The following ATP7B variants were observed in gnomAD, a reference collection of about 807,000 sequenced individuals.
The protein encoded by ATP7B is copper-transporting ATPase 2.
A neutral mutation model predicts 118.9 loss-of-function variants in ATP7B; 113 were observed. The ratio of observed to expected loss-of-function variants is 0.95; its 90% confidence interval spans 0.82 to 1.11. ATP7B has a LOEUF of 1.11. Ranked by LOEUF, ATP7B falls within the 50% of genes most tolerant of loss-of-function variation. The pLI is 0.00. For synonymous variants in ATP7B, 777 were observed against 727.4 expected (o/e 1.07, Z -1.10); for missense variants, 1,867 against 1,871.4 (o/e 1.00, Z 0.04).
At chr13:51,953,817 A>G (rs1474271909) in intron 9 of ATP7B, among the ~76,000 whole-genome samples, 4 of 138,154 alleles carry the variant, frequency 2.9e-5, no homozygotes, top group Non-Finnish European at 6.2e-5. Context: ...TCACTGGTCT[A>G]GATATGATTT....
intron 9 of ATP7B, among the ~76,000 whole-genome samples, chr13:51,953,519 C>T (rs567840804): frequency 2.0e-5 from 3 of 152,172 alleles, no homozygotes; most frequent in African/African-American, 7.2e-5. Context: ...CTAAATTAAC[C>T]ACATCTTTCT....
chr13:51,969,011 C>T (rs977147796), intron 3 of ATP7B, among the ~76,000 whole-genome samples: 2 of 151,596 alleles, frequency 1.3e-5, no homozygotes, highest in African/African-American at 2.4e-5. Flanking sequence ...CAGGTGCGTG[C>T]CACCATGCCC....
chr13:52,011,483 G>C (rs1361211873), upstream of ATP7B: 4 of 955,748 alleles, frequency 4.2e-6, no homozygotes, highest in East Asian at 2.6e-5. Flanking sequence ...AAAGCAAACA[G>C]GGGTCCGGGA....
Position 51,935,592 on chromosome 13 carries a change from C to T in ATP7B, c.4124+1G>A. 1 of 1,612,928 alleles carries T rather than the reference C, an allele frequency of 6.2e-7. No individual in the cohort carries two copies. The highest frequency in any genetic ancestry group is 1.3e-5 in the African/African-American group (1 of 75,064). ...CAGATGCTCCACCTGAGGGGACTCA[C>T]CACTTGAGCTGCAGGGATGAGAGCA... On this transcript the variant is annotated splice_donor_variant, in intron 20 of 20. Coordinates refer to ENST00000242839, the MANE Select transcript of ATP7B (RefSeq NM_000053.4). LOFTEE classifies it high-confidence loss of function.
intron 19 of ATP7B, among the ~76,000 whole-genome samples, chr13:51,936,606 C>T (rs1305753277): frequency 6.6e-6 from 1 of 152,158 alleles, no homozygotes; most frequent in Non-Finnish European, 1.5e-5. Flanking sequence ...GTCACTGCCA[C>T]CTCCAACTCC....
At chr13:51,976,879 C>G (rs912454971) in intron 1 of ATP7B, among the ~76,000 whole-genome samples, 1 of 152,170 alleles carries the variant, frequency 6.6e-6, no homozygotes, top group Non-Finnish European at 1.5e-5. Context: ...CTGGAAGTTG[C>G]TCTGGGTGAG....
intron 19 of ATP7B, among the ~76,000 whole-genome samples, chr13:51,936,122 G>A (rs1247792362): frequency 2.0e-5 from 3 of 152,276 alleles, no homozygotes; most frequent in Admixed American, 6.5e-5. Context: ...AGATGATCTC[G>A]CCTCCAGGGC....
Position 51,939,054 on chromosome 13 carries a change from G to T in ATP7B, c.3696C>A (p.Thr1232=). Residue 1232 remains threonine (T), a synonymous_variant, in exon 17 of 21, where the codon ACC becomes ACA. Coordinates refer to ENST00000242839, the MANE Select transcript of ATP7B (RefSeq NM_000053.4). ...TTGCAACATTAAAGGGCTGTACCTG[G>T]GTGGCAATAGCTCTGGCTGTCTTCC... is the stretch of plus-strand genomic sequence containing the variant. ...DNRKTARAIA[T]QVGINKVFAE... is the part of the protein sequence containing the mutation. 1.9e-6 allele frequency: 3 copies of T among 1,614,214 alleles called. No homozygotes were observed. The highest frequency in any genetic ancestry group is 2.5e-6 in the Non-Finnish European group (3 of 1,180,034).
At chr13:52,004,981 C>T (rs899889918) in intron 1 of ATP7B, among the ~76,000 whole-genome samples, 2 of 152,224 alleles carry the variant, frequency 1.3e-5, no homozygotes, top group Non-Finnish European at 2.9e-5. Flanking sequence ...CCAAGCCACA[C>T]CTGAGCCGCA....
intron 13 of ATP7B, among the ~76,000 whole-genome samples, chr13:51,945,866 C>G (rs1957615476): frequency 6.6e-6 from 1 of 152,134 alleles, no homozygotes; most frequent in African/African-American, 2.4e-5. Context: ...TCACTCTTCA[C>G]TCCCCAGGGT....
At position 51,989,143 on chromosome 13, in the gene ATP7B, C is replaced by G. The variant is rs140390549; in HGVS notation, c.52-13975G>C. Reference sequence around the variant, plus strand: ...CCTCATTTGATCTTCAAACATGACCCAGGAAGGTTCGAGTACTCTACATAG... The same window carrying G: ...CCTCATTTGATCTTCAAACATGACCGAGGAAGGTTCGAGTACTCTACATAG... On this transcript the variant is annotated intron_variant, in intron 1 of 20. Coordinates refer to ENST00000242839, the MANE Select transcript of ATP7B (RefSeq NM_000053.4). Among the ~76,000 whole-genome samples, 9 of 152,170 alleles carry G rather than the reference C, an allele frequency of 5.9e-5. No homozygotes were observed. The East Asian group carries it at 1.7e-3, about 29-fold the overall frequency.
rs1958431105 is a variant in ATP7B at position 51,957,515 on chromosome 13, C to T, written c.2447+1G>A. On this transcript the variant is annotated splice_donor_variant, in intron 9 of 20. Coordinates refer to ENST00000242839, the MANE Select transcript of ATP7B (RefSeq NM_000053.4). LOFTEE classifies it high-confidence loss of function. ...AAAGACATTTGATAACCATAACTCA[C>T]CTGATGATTAAATTGTCCTCACCAA... The T allele has an allele frequency of 1.2e-6, 2 of 1,612,914 alleles. No homozygotes were observed. The highest frequency in any genetic ancestry group is 1.7e-6 in the Non-Finnish European group (2 of 1,178,986).
intron 1 of ATP7B, among the ~76,000 whole-genome samples, chr13:51,998,674 A>C (rs1953336820): frequency 1.3e-5 from 2 of 152,096 alleles, no homozygotes; most frequent in Non-Finnish European, 2.9e-5. Context: ...TTTACCTCCT[A>C]TTCGCCTTCC....
At chr13:51,994,904 C>T (rs1953124822) in intron 1 of ATP7B, among the ~76,000 whole-genome samples, 1 of 152,148 alleles carries the variant, frequency 6.6e-6, no homozygotes, top group African/African-American at 2.4e-5. Flanking sequence ...TGGACATGAC[C>T]TAACCTTTGG....
intron 1 of ATP7B, among the ~76,000 whole-genome samples, chr13:51,995,725 G>A (rs1953173353): frequency 6.6e-6 from 1 of 152,200 alleles, no homozygotes; most frequent in African/African-American, 2.4e-5. Flanking sequence ...CAGCCTGGCA[G>A]CAAGCTTTGG....
intron 12 of ATP7B, among the ~76,000 whole-genome samples, chr13:51,948,904 G>T (rs998689354): frequency 6.6e-6 from 1 of 152,154 alleles, no homozygotes; most frequent in African/African-American, 2.4e-5. Flanking sequence ...TCACGCCTGG[G>T]TGCAGTGGCT....
chr13:51,974,901 C>G lies in ATP7B; in HGVS notation c.319G>C (p.Val107Leu), dbSNP rs754003539. ...SATVKYVPSVVCLQQVCHQIG... is the reference protein window; with the variant it reads ...SATVKYVPSVLCLQQVCHQIG... ...TGATGGCAAACCTGTTGCAGGCACA[C>G]AACCGATGGCACATATTTCACAGTG... Residue 107 changes from valine (V) to leucine (L), a missense_variant, in exon 2 of 21, where the codon GTG (valine) becomes CTG (leucine). By Grantham distance (32) the Val-to-Leu change is conservative. Transcript: ENST00000242839. 6.2e-7 allele frequency: 1 copy of G among 1,614,132 alleles called. No homozygotes were observed. Among genetic ancestry groups the G allele is most frequent in the African/African-American group, 1.3e-5 (1 of 74,944 alleles).
At chr13:51,975,929 T>C (rs1952095925) in intron 1 of ATP7B, among the ~76,000 whole-genome samples, 1 of 152,240 alleles carries the variant, frequency 6.6e-6, no homozygotes, top group Non-Finnish European at 1.5e-5. Flanking sequence ...TGACTCAGTG[T>C]CACCGCCCTC....
chr13:51,972,783 A>C (rs1951903974), intron 2 of ATP7B, among the ~76,000 whole-genome samples: 1 of 152,076 alleles, frequency 6.6e-6, no homozygotes, highest in Non-Finnish European at 1.5e-5. Flanking sequence ...GAGGATTGCT[A>C]GAGGCCAAGA....
Sources: allele counts gnomAD v4.1 joint callset (sites outside exome capture counted in the v4.1 genomes callset), GRCh38; gene constraint gnomAD v4.1.1; transcripts MANE v1.5; gene names NCBI Gene and HGNC (gene_info 2026-07-23, HGNC 2026-07-21).